The following CNOT6L variants were observed in gnomAD, a reference collection of about 807,000 sequenced individuals.
CNOT6L encodes CCR4-NOT transcription complex subunit 6-like.
In CNOT6L, 7 loss-of-function variants were observed where a neutral mutation model predicts 64.0. The ratio of observed to expected loss-of-function variants is 0.11; its 90% confidence interval spans 0.06 to 0.21. CNOT6L has a LOEUF of 0.21. CNOT6L is among the 10% of genes least tolerant of loss of function. CNOT6L has a pLI of 1.00. For missense variants in CNOT6L, 245 were observed against 669.0 expected (o/e 0.37, Z 6.99); for synonymous variants, 193 against 243.4 (o/e 0.79, Z 1.93).
At position 77,800,339 on chromosome 4, in the gene CNOT6L, C is replaced by CA. The variant is rs201623288; in HGVS notation, c.5+18964dup. ...CAACATAGTGAGACCCTAACTCTAC[C>CA]AAAAAAAATTTTTTTTTTTAAAGTA... On this transcript the variant is annotated intron_variant, in intron 1 of 11. Transcript: ENST00000504123. 9.9e-5 allele frequency among the ~76,000 whole-genome samples: 15 copies of CA among 150,808 alleles called. 1 individual carries two copies. The highest frequency in any genetic ancestry group is 3.3e-4 in the Admixed American group (5 of 15,054).
At chr4:77,808,987 C>A (rs1218906458) in intron 1 of CNOT6L, among the ~76,000 whole-genome samples, 1 of 152,020 alleles carries the variant, frequency 6.6e-6, no homozygotes, top group Non-Finnish European at 1.5e-5. Context: ...TAATAGTGTA[C>A]GTGTATTGTT....
intron 1 of CNOT6L, among the ~76,000 whole-genome samples, chr4:77,788,723 G>C (rs1384303663): frequency 1.3e-5 from 2 of 151,648 alleles, no homozygotes; most frequent in East Asian, 1.9e-4. Context: ...GCAAGACTCT[G>C]TCTCAAAAAA....
intron 1 of CNOT6L, among the ~76,000 whole-genome samples, chr4:77,810,832 T>C (rs1318686042): frequency 2.0e-5 from 3 of 152,176 alleles, no homozygotes; most frequent in Non-Finnish European, 2.9e-5. Context: ...TCCTCTTTTC[T>C]ACTTTTTACT....
chr4:77,804,064 C>A (rs868480681), intron 1 of CNOT6L, among the ~76,000 whole-genome samples: 4 of 152,170 alleles, frequency 2.6e-5, no homozygotes, highest in Middle Eastern at 6.8e-3. Flanking sequence ...TACGTCTTCA[C>A]AAAACCATAT....
chr4:77,792,905 G>GT (rs1730334413), intron 1 of CNOT6L, among the ~76,000 whole-genome samples: 1 of 151,082 alleles, frequency 6.6e-6, no homozygotes. Flanking sequence ...ATTTGGCAAT[G>GT]TTTAGAGATG....
chr4:77,740,840 G>C (rs747171083), intron 8 of CNOT6L, among the ~76,000 whole-genome samples: 1 of 152,004 alleles, frequency 6.6e-6, no homozygotes, highest in Non-Finnish European at 1.5e-5. Context: ...CCTTTTTTAC[G>C]TCTAGATATG....
rs1336877557 is a variant in CNOT6L at position 77,775,879 on chromosome 4, AAC to A, written c.127+390_127+391del. Among the ~76,000 whole-genome samples the A allele has an allele frequency of 2.6e-5, 4 of 152,324 alleles. No homozygotes were observed. The East Asian group carries it at 5.8e-4, about 22-fold the overall frequency. On this transcript the variant is annotated intron_variant, in intron 2 of 11. Transcript: ENST00000504123. ...TCCTAAACAGGTATTAAGGTCCTGT[AAC>A]ACAGTTATTATATATTTATTAGAAT...
At chr4:77,797,357 T>C in intron 1 of CNOT6L, among the ~76,000 whole-genome samples, 1 of 152,112 alleles carries the variant, frequency 6.6e-6, no homozygotes, top group Non-Finnish European at 1.5e-5. Context: ...AAATAAACAA[T>C]TCACAAGTTT....
chr4:77,786,557 T>G (rs1232486360), intron 1 of CNOT6L, among the ~76,000 whole-genome samples: 1 of 152,194 alleles, frequency 6.6e-6, no homozygotes, highest in Non-Finnish European at 1.5e-5. Context: ...CAATGGAGTC[T>G]TGACCTCCTG....
rs1253739963 is a variant in CNOT6L at position 77,716,623 on chromosome 4, C to T, written c.*3808G>A. On this transcript the variant is annotated 3_prime_UTR_variant, in exon 12 of 12. Transcript: ENST00000504123. ...CCCATGTTCCAGTTTTAATGTGCCACATCCTCAATTCTAATATAATCTACC... is the reference window on the plus strand; with the variant it reads ...CCCATGTTCCAGTTTTAATGTGCCATATCCTCAATTCTAATATAATCTACC... 1.3e-5 allele frequency: 2 copies of T among 152,456 alleles called. No homozygotes were observed. Among genetic ancestry groups the T allele is most frequent in the African/African-American group, 2.4e-5 (1 of 41,426 alleles). The allele number at this position is 152,456 out of a possible 1,614,324, so 9.4% of individuals were successfully genotyped here. A position where few individuals can be genotyped will look rare whatever the true frequency, so the allele number is the denominator to read the frequency against.
intron 11 of CNOT6L, among the ~76,000 whole-genome samples, chr4:77,721,193 ATTCTT>A (rs1721237649): frequency 6.6e-6 from 1 of 152,320 alleles, no homozygotes; most frequent in Non-Finnish European, 1.5e-5. Flanking sequence ...TAACTATTCT[ATTCTT>A]AATTTAAAAT....
chr4:77,755,773 T>C (rs947362191), intron 5 of CNOT6L, among the ~76,000 whole-genome samples: 3 of 152,156 alleles, frequency 2.0e-5, no homozygotes, highest in African/African-American at 7.2e-5. Flanking sequence ...TTTAAAAGAA[T>C]ATAGCCAAAA....
rs1721926764 is a variant in CNOT6L, at chr4:77,727,006, A to T, written c.1253-637T>A. ...GCATTCAGAAAAGTGCACTGCTTCC[A>T]CTGAATTAGCAAACATGAAAACAGT... is the stretch of plus-strand genomic sequence containing the variant. On this transcript the variant is annotated intron_variant, in intron 10 of 11. Coordinates refer to ENST00000504123, the MANE Select transcript of CNOT6L (RefSeq NM_144571.3). 2.0e-5 allele frequency among the ~76,000 whole-genome samples: 3 copies of T among 152,192 alleles called. No homozygotes were observed. The South Asian group carries it at 6.2e-4, about 32-fold the overall frequency.
chr4:77,818,266 T>C (rs1398633736), intron 1 of CNOT6L, among the ~76,000 whole-genome samples: 5 of 152,186 alleles, frequency 3.3e-5, no homozygotes, highest in Non-Finnish European at 5.9e-5. Flanking sequence ...TTAAGCAGGA[T>C]GACAGCTCCA....
chr4:77,784,595 C>A (rs552927703), intron 1 of CNOT6L, among the ~76,000 whole-genome samples: 7 of 151,468 alleles, frequency 4.6e-5, no homozygotes, highest in African/African-American at 1.7e-4. Context: ...GTGATCCTCT[C>A]ACCTCAGTCG....
At chr4:77,790,390 G>A (rs1729989060) in intron 1 of CNOT6L, among the ~76,000 whole-genome samples, 1 of 152,202 alleles carries the variant, frequency 6.6e-6, no homozygotes, top group East Asian at 1.9e-4. Context: ...AGGTTTTTGT[G>A]TAGACATAAG....
intron 8 of CNOT6L, among the ~76,000 whole-genome samples, chr4:77,733,813 C>T (rs1245456325): frequency 1.3e-5 from 2 of 152,022 alleles, no homozygotes; most frequent in Non-Finnish European, 2.9e-5. Flanking sequence ...TTCCAAATGA[C>T]ACCACTTTAA....
intron 1 of CNOT6L, chr4:77,819,015 C>A (rs144725638): frequency 0.038 from 25,547 of 673,462 alleles, 692 homozygotes; most frequent in Non-Finnish European, 0.051. Context: ...GGGAGGGACA[C>A]GCCACTCTGG....
chr4:77,740,724 A>T (rs1723483628), intron 8 of CNOT6L, among the ~76,000 whole-genome samples: 1 of 152,202 alleles, frequency 6.6e-6, no homozygotes, highest in Non-Finnish European at 1.5e-5. Flanking sequence ...TTCAGTCAAC[A>T]AGGGACTACA....
Sources: gnomAD v4.1 joint callset for allele counts (sites outside exome capture counted in the v4.1 genomes callset) on GRCh38, gnomAD v4.1.1 for gene constraint, MANE v1.5 for transcripts, NCBI Gene and HGNC (gene_info 2026-07-23, HGNC 2026-07-21) for gene names.